COL5A2: variants seen among roughly 807,000 people sequenced by gnomAD.
COL5A2 encodes the protein collagen alpha-2(V) chain.
In COL5A2, 23 loss-of-function variants were observed where a neutral mutation model predicts 208.2. The observed-to-expected ratio is 0.11, with a 90% CI of 0.08 to 0.16. The LOEUF is 0.16. COL5A2 is among the 10% of genes least tolerant of loss of function. COL5A2 has a pLI of 1.00. For synonymous variants in COL5A2, 625 were observed against 628.5 expected (o/e 0.99, Z 0.08); for missense variants, 1,590 against 1,956.4 (o/e 0.81, Z 3.53).
chr2:189,265,615 A>G, the COL5A2 span, among the ~76,000 whole-genome samples: 3 of 152,198 alleles, frequency 2.0e-5, no homozygotes, highest in Admixed American at 2.0e-4. Flanking sequence ...CCTGGGGTTA[A>G]GACTTCAACA....
At chr2:189,122,428 T>C (rs1449556263) in intron 1 of COL5A2, among the ~76,000 whole-genome samples, 1 of 152,148 alleles carries the variant, frequency 6.6e-6, no homozygotes, top group East Asian at 1.9e-4. Flanking sequence ...ACATGTCATA[T>C]ACATAGCTTC....
At chr2:189,295,685 A>G in the COL5A2 span, among the ~76,000 whole-genome samples, 1 of 152,200 alleles carries the variant, frequency 6.6e-6, no homozygotes, top group Non-Finnish European at 1.5e-5. Flanking sequence ...TGATTTAGCC[A>G]CGCGGATGTA....
intron 49 of COL5A2, among the ~76,000 whole-genome samples, chr2:189,042,050 T>C (rs2153506869): frequency 6.6e-6 from 1 of 152,338 alleles, no homozygotes; most frequent in South Asian, 2.1e-4. Context: ...GAAATTTCTG[T>C]GCTTATGCCT....
At chr2:189,239,597 C>T in the COL5A2 span, among the ~76,000 whole-genome samples, 6 of 122,398 alleles carry the variant, frequency 4.9e-5, no homozygotes, top group South Asian at 1.0e-3. Flanking sequence ...GGAAGGGGAA[C>T]ATCACACTCT....
chr2:189,368,738 A>C, the COL5A2 span, among the ~76,000 whole-genome samples: 1 of 152,178 alleles, frequency 6.6e-6, no homozygotes, highest in African/African-American at 2.4e-5. Flanking sequence ...ATACCAAAGG[A>C]AAGTCCTTAA....
chr2:189,167,944 A>ATTTTTT lies in COL5A2; in HGVS notation c.97+11558_97+11563dup, dbSNP rs71020985. Among the ~76,000 whole-genome samples the ATTTTTT allele has an allele frequency of 3.0e-4, 42 of 139,920 alleles. 2 individuals are homozygous for ATTTTTT. In the East Asian group the frequency reaches 3.8e-3, roughly 13 times the overall value. The allele number at this position is 139,920 out of a possible 152,430, so 91.8% of individuals were successfully genotyped here. A position where few individuals can be genotyped will look rare whatever the true frequency, so the allele number is the denominator to read the frequency against. On this transcript the variant is annotated intron_variant, in intron 1 of 53. Coordinates refer to ENST00000374866, the MANE Select transcript of COL5A2 (RefSeq NM_000393.5). The stretch of plus-strand genomic sequence containing the variant: ...CTCTTTTTTCCCAGTACAAACTCCT[A>ATTTTTT]TTTTTTTTTTTTTGAGACGGACTCT...
At chr2:189,229,990 T>C (rs909720492), upstream of COL5A2, among the ~76,000 whole-genome samples, 2 of 151,818 alleles carry the variant, frequency 1.3e-5, no homozygotes, top group Non-Finnish European at 2.9e-5. Flanking sequence ...CACAGACATA[T>C]AGGCCAATGG....
chr2:189,425,456 A>C, the COL5A2 span, among the ~76,000 whole-genome samples: 1 of 152,246 alleles, frequency 6.6e-6, no homozygotes, highest in African/African-American at 2.4e-5. Context: ...AGTATCCATA[A>C]ACAGATGAAT....
the COL5A2 span, among the ~76,000 whole-genome samples, chr2:189,268,650 T>C: frequency 6.6e-6 from 1 of 152,090 alleles, no homozygotes; most frequent in Non-Finnish European, 1.5e-5. Context: ...CTATAAACAA[T>C]ACACAAAAAA....
At chr2:189,413,783 ATTTT>A in the COL5A2 span, among the ~76,000 whole-genome samples, 1 of 79,192 alleles carries the variant, frequency 1.3e-5, no homozygotes, top group South Asian at 5.4e-4. Context: ...CCTTGGCGTC[ATTTT>A]TTTTTTTTTT....
intron 1 of COL5A2, among the ~76,000 whole-genome samples, chr2:189,141,433 G>C (rs1687932423): frequency 6.6e-6 from 1 of 152,140 alleles, no homozygotes; most frequent in Non-Finnish European, 1.5e-5. Flanking sequence ...GCAGTGAAAA[G>C]TCAGTTTTCA....
At chr2:189,286,942 A>G in the COL5A2 span, among the ~76,000 whole-genome samples, 1 of 152,180 alleles carries the variant, frequency 6.6e-6, no homozygotes, top group African/African-American at 2.4e-5. Context: ...AGAAGCAAAA[A>G]AAACTTAAGA....
intron 1 of COL5A2, among the ~76,000 whole-genome samples, chr2:189,139,217 G>C (rs1258165641): frequency 6.6e-6 from 1 of 152,152 alleles, no homozygotes; most frequent in Non-Finnish European, 1.5e-5. Context: ...AGAGTTTGCA[G>C]GGAGCTGAGA....
At chr2:189,093,154 C>G (rs1686824028) in intron 6 of COL5A2, among the ~76,000 whole-genome samples, 1 of 152,164 alleles carries the variant, frequency 6.6e-6, no homozygotes, top group Admixed American at 6.5e-5. Flanking sequence ...TCTCCTAACC[C>G]ACATTCTGAA....
chr2:189,267,264 A>G, the COL5A2 span, among the ~76,000 whole-genome samples: 1 of 152,044 alleles, frequency 6.6e-6, no homozygotes, highest in Non-Finnish European at 1.5e-5. Flanking sequence ...GTATACAGAT[A>G]ATCTATGACC....
At chr2:189,056,102 T>A (rs1685895510) in intron 35 of COL5A2, among the ~76,000 whole-genome samples, 1 of 152,200 alleles carries the variant, frequency 6.6e-6, no homozygotes, top group Admixed American at 6.5e-5. Flanking sequence ...TTCTACTACA[T>A]TTCACTATAT....
chr2:189,078,791 A>T (rs905134576), intron 15 of COL5A2, among the ~76,000 whole-genome samples: 2 of 152,144 alleles, frequency 1.3e-5, no homozygotes, highest in Admixed American at 1.3e-4. Context: ...TAATGGGCTA[A>T]ATCTGCGATA....
intron 50 of COL5A2, among the ~76,000 whole-genome samples, chr2:189,040,914 T>C (rs1685547485): frequency 1.3e-5 from 2 of 152,104 alleles, no homozygotes; most frequent in South Asian, 4.1e-4. Context: ...AAGAAGTAAA[T>C]ATCTGGCTTA....
the COL5A2 span, among the ~76,000 whole-genome samples, chr2:189,291,378 C>T: frequency 1.3e-5 from 2 of 152,060 alleles, no homozygotes; most frequent in African/African-American, 2.4e-5. Context: ...AACCATTTTG[C>T]TACACATTAT....
Sources: allele counts gnomAD v4.1 joint callset (sites outside exome capture counted in the v4.1 genomes callset), GRCh38; gene constraint gnomAD v4.1.1; transcripts MANE v1.5; gene names NCBI Gene and HGNC (gene_info 2026-07-23, HGNC 2026-07-21).